ZNF468: variants seen among roughly 807,000 people sequenced by gnomAD.
ZNF468 encodes zinc finger protein 468.
Under a neutral mutation model 7.2 loss-of-function variants are expected in ZNF468, and 8 were observed. That is an observed-to-expected ratio of 1.11 (90% CI 0.65 to 2.01). The LOEUF (loss-of-function observed/expected upper bound fraction) is 2.01, where lower values mean the gene tolerates loss of function less well. ZNF468 is among the 30% of genes most tolerant of loss of function. ZNF468 has a pLI of 0.00. For synonymous variants in ZNF468, 218 were observed against 214.4 expected (o/e 1.02, Z -0.15); for missense variants, 608 against 626.5 (o/e 0.97, Z 0.31).
Position 52,847,724 on chromosome 19 carries a change from C to T in ZNF468, c.142+1363G>A, listed in dbSNP as rs544145359. Among the ~76,000 whole-genome samples, 355 of 152,088 alleles carry T rather than the reference C, an allele frequency of 2.3e-3. 2 individuals carry two copies. The highest frequency in any genetic ancestry group is 8.2e-3 in the African/African-American group (342 of 41,482). On this transcript the variant is annotated intron_variant, in intron 3 of 3. Coordinates refer to ENST00000595646, the MANE Select transcript of ZNF468 (RefSeq NM_001008801.2). ...TGAAGAGAAACATAAATCTAGCCTA[C>T]GTGCACATCCAGACACAGTACCTTT...
intron 2 of ZNF468, among the ~76,000 whole-genome samples, chr19:52,850,649 C>T (rs556485521): frequency 2.6e-5 from 4 of 152,170 alleles, no homozygotes; most frequent in African/African-American, 9.6e-5. Context: ...CCTGTAATCC[C>T]AGCACTTTGG....
intron 1 of ZNF468, among the ~76,000 whole-genome samples, chr19:52,854,912 C>T (rs2063423484): frequency 6.6e-6 from 1 of 152,070 alleles, no homozygotes; most frequent in African/African-American, 2.4e-5. Flanking sequence ...ATCCCAGCTA[C>T]TCGGGAGGCT....
In ZNF468 at chr19:52,849,080, T is replaced by C. The variant is rs1600524834; in HGVS notation, c.142+7A>G. The C allele has an allele frequency of 1.9e-6, 3 of 1,613,572 alleles. No homozygotes were observed. Among genetic ancestry groups the C allele is most frequent in the East Asian group, 2.2e-5 (1 of 44,848 alleles). On this transcript the variant is annotated splice_region_variant and intron_variant, in intron 3 of 3. Transcript: ENST00000595646. Reference sequence around the variant, plus strand: ...GGGCACATCCCCAGGAGGGAAGTTATCCTCACCCAGGGAGACGAGGTTCCT... The same window carrying C: ...GGGCACATCCCCAGGAGGGAAGTTACCCTCACCCAGGGAGACGAGGTTCCT...
In ZNF468 at chr19:52,854,190, C is replaced by T; in HGVS notation, c.15+68G>A. 9 of 1,611,800 alleles carry T rather than the reference C, an allele frequency of 5.6e-6. No individual in the cohort carries two copies. In the South Asian group the frequency reaches 8.8e-5, roughly 16 times the overall value. ...GGCAGGTCATTCAGACCCAGACATT[C>T]CCAACTCCAAGGCCCAGGGTATCTG... On this transcript the variant is annotated intron_variant, in intron 2 of 3. Coordinates refer to ENST00000595646, the MANE Select transcript of ZNF468 (RefSeq NM_001008801.2).
In ZNF468 at chr19:52,840,465, T is replaced by C. The variant is rs1002122427; in HGVS notation, c.*260A>G. The C allele has an allele frequency of 5.3e-6, 4 of 750,922 alleles. No individual in the cohort carries two copies. Among genetic ancestry groups the C allele is most frequent in the African/African-American group, 5.3e-5 (3 of 57,100 alleles). The allele number at this position is 750,922 out of a possible 1,614,324, so 46.5% of individuals were successfully genotyped here. On this transcript the variant is annotated 3_prime_UTR_variant, in exon 4 of 4. Coordinates refer to ENST00000595646, the MANE Select transcript of ZNF468 (RefSeq NM_001008801.2). ...ATATGCAAAAACCTTGTCACAAACC[T>C]TACCTCTGTATGGTTTCTCTTCAAT...
In ZNF468 at chr19:52,840,807, T is replaced by C. The variant is rs2063288927; in HGVS notation, c.1487A>G (p.Lys496Arg). Reference protein sequence around the residue: ...RRLHTGEKPYKCNECGKTFSQ... With the variant: ...RRLHTGEKPYRCNECGKTFSQ... ...GAAGGTCTTGCCACACTCATTACAC[T>C]TGTAAGGTTTCTCTCCAGTATGAAG... Residue 496 changes from lysine (K) to arginine (R), a missense_variant, in exon 4 of 4, where the codon AAG becomes AGG. Transcript: ENST00000595646. 1.9e-6 allele frequency: 3 copies of C among 1,609,106 alleles called. No homozygotes were observed. Among genetic ancestry groups the C allele is most frequent in the Non-Finnish European group, 2.5e-6 (3 of 1,177,784 alleles).
Position 52,840,780 on chromosome 19 carries a change from C to T in ZNF468, c.1514G>A (p.Ser505Asn). 6.2e-7 allele frequency: 1 copy of T among 1,613,236 alleles called. No homozygotes were observed. Among genetic ancestry groups the T allele is most frequent in the Non-Finnish European group, 8.5e-7 (1 of 1,179,600 alleles). ...YKCNECGKTFSQMSSLVYHHR... is the reference protein window; with the variant it reads ...YKCNECGKTFNQMSSLVYHHR... ...ATGGTATACAAGGGATGACATCTGA[C>T]TGAAGGTCTTGCCACACTCATTACA... The change falls in exon 4 of 4, where the codon AGT (serine) becomes AAT (asparagine). Residue 505 changes from serine (S) to asparagine (N), a missense_variant. Physicochemically the swap from Ser to Asn is conservative, Grantham distance 46. Transcript: ENST00000595646.
At position 52,842,141 on chromosome 19, in the gene ZNF468, G is replaced by C. The variant is rs1370736282; in HGVS notation, c.153C>G (p.Ser51=). The change falls in exon 4 of 4, where the codon TCC becomes TCG. Residue 51 remains serine (S), a synonymous_variant. Transcript: ENST00000595646. ...YRNLVSLDIS[S]KCMLKTLSST... ...ACGACAACGTCTTCAACATGCATTT[G>C]GAAGAGATATCTACAAAATTTAAAC... 6.3e-7 allele frequency: 1 copy of C among 1,586,332 alleles called. No homozygotes were observed.
rs1193102117 is a variant in ZNF468, at chr19:52,838,437, C to A, written c.*2288G>T. ...GGAATGCTTTTCCTGTAGGATCTCA[C>A]ATGATGCAAGAATGCTCTCACCCCT... On this transcript the variant is annotated 3_prime_UTR_variant, in exon 4 of 4. Coordinates refer to ENST00000595646, the MANE Select transcript of ZNF468 (RefSeq NM_001008801.2). 2 of 152,188 alleles carry A rather than the reference C, an allele frequency of 1.3e-5. No individual in the cohort carries two copies. The highest frequency in any genetic ancestry group is 2.9e-5 in the Non-Finnish European group (2 of 68,030). 9.4% of individuals were successfully genotyped at this position (152,188 alleles called of 1,614,324 possible). A position where few individuals can be genotyped will look rare whatever the true frequency, so the allele number is the denominator to read the frequency against.
chr19:52,853,941 GACA>G, intron 2 of ZNF468: 1 of 1,392,680 alleles, frequency 7.2e-7, no homozygotes, highest in Non-Finnish European at 9.3e-7. Context: ...ACAGTGAGCT[GACA>G]GTGCATCCAG....
intron 2 of ZNF468, among the ~76,000 whole-genome samples, chr19:52,850,263 T>A (rs999654677): frequency 3.3e-5 from 5 of 152,092 alleles, no homozygotes; most frequent in African/African-American, 7.2e-5. Context: ...GATCTAAGAA[T>A]ATGGAAATGC....
intron 2 of ZNF468, among the ~76,000 whole-genome samples, chr19:52,851,134 C>A (rs1257609901): frequency 6.6e-6 from 1 of 151,716 alleles, no homozygotes; most frequent in Non-Finnish European, 1.5e-5. Context: ...AAATTAGCCA[C>A]GGGTGATGGC....
chr19:52,855,635 C>T (rs1357944105), intron 1 of ZNF468, among the ~76,000 whole-genome samples: 2 of 151,896 alleles, frequency 1.3e-5, no homozygotes, highest in East Asian at 1.9e-4. Context: ...CAAAGGCCTC[C>T]AAAGATCCTC....
chr19:52,849,519 G>A (rs1452667639), intron 2 of ZNF468: 1 of 394,800 alleles, frequency 2.5e-6, no homozygotes, highest in African/African-American at 2.1e-5. Flanking sequence ...GACACACCAA[G>A]TGACATTCAT....
chr19:52,839,580 G>T lies in ZNF468; in HGVS notation c.*1145C>A. 1 of 537,806 alleles carries T rather than the reference G, an allele frequency of 1.9e-6. No individual in the cohort carries two copies. Among genetic ancestry groups the T allele is most frequent in the South Asian group, 1.4e-5 (1 of 70,950 alleles). 33.3% of individuals were successfully genotyped at this position (537,806 alleles called of 1,614,324 possible). ...AATTGTCTGATGGTCTGCAAGGAGT[G>T]ACCTTGGACTGAAGACCCTTCCACA... On this transcript the variant is annotated 3_prime_UTR_variant, in exon 4 of 4. Coordinates refer to ENST00000595646, the MANE Select transcript of ZNF468 (RefSeq NM_001008801.2).
At chr19:52,852,769 T>C (rs1038619396) in intron 2 of ZNF468, among the ~76,000 whole-genome samples, 1 of 152,122 alleles carries the variant, frequency 6.6e-6, no homozygotes, top group Non-Finnish European at 1.5e-5. Flanking sequence ...CAAACTCCAA[T>C]GACGTGAGTT....
Position 52,839,937 on chromosome 19 carries a change from A to T in ZNF468, c.*788T>A. The T allele has an allele frequency of 9.3e-7, 1 of 1,076,800 alleles. No individual in the cohort carries two copies. The highest frequency in any genetic ancestry group is 1.3e-6 in the Non-Finnish European group (1 of 761,162). 66.7% of individuals were successfully genotyped at this position (1,076,800 alleles called of 1,614,324 possible). On this transcript the variant is annotated 3_prime_UTR_variant, in exon 4 of 4. Transcript: ENST00000595646. Reference sequence around the variant, plus strand: ...TTGTAGCATTACTGAAAACTTTGTGACAATCATTACATTAGTCAAGTTTCC... The same window carrying T: ...TTGTAGCATTACTGAAAACTTTGTGTCAATCATTACATTAGTCAAGTTTCC...
At chr19:52,854,160 T>C (rs2063416146) in intron 2 of ZNF468, 98 bp downstream of exon 2, 2 of 1,605,362 alleles carry the variant, frequency 1.2e-6, no homozygotes, top group Admixed American at 1.7e-5. Context: ...TGAGCAAACA[T>C]GTCAGGCAGG....
chr19:52,843,288 C>A (rs538255537), intron 3 of ZNF468, among the ~76,000 whole-genome samples: 4 of 152,114 alleles, frequency 2.6e-5, no homozygotes, highest in Admixed American at 2.6e-4. Context: ...GGCTGGAATG[C>A]GATGGCACGA....
Sources: allele counts gnomAD v4.1 joint callset (sites outside exome capture counted in the v4.1 genomes callset), GRCh38; gene constraint gnomAD v4.1.1; transcripts MANE v1.5; gene names NCBI Gene and HGNC (gene_info 2026-07-23, HGNC 2026-07-21).